Variants in RIN2 observed in about 807,000 individuals in gnomAD.
The protein encoded by RIN2 is Ras and Rab interactor 2.
In RIN2, 36 loss-of-function variants were observed where a neutral mutation model predicts 78.0. The observed-to-expected ratio is 0.46, with a 90% CI of 0.35 to 0.61. The LOEUF is 0.61. Among genes scored for constraint, RIN2 ranks in the 20% least tolerant of loss-of-function variants. The pLI is 0.00. For missense variants in RIN2, 1,087 were observed against 1,159.7 expected (o/e 0.94, Z 0.91); for synonymous variants, 466 against 466.8 (o/e 1.00, Z 0.02).
chr20:19,976,114 C>T (rs2042272329), intron 9 of RIN2, among the ~76,000 whole-genome samples: 1 of 152,198 alleles, frequency 6.6e-6, no homozygotes, highest in Admixed American at 6.5e-5. Flanking sequence ...TGCTTCTCTG[C>T]AGGCTGTGCA....
chr20:19,942,118 A>AAAAAAAAAG lies in RIN2; in HGVS notation c.158+6923_158+6924insAAAAGAAAA, dbSNP rs61328325. 9.8e-5 allele frequency among the ~76,000 whole-genome samples: 14 copies of AAAAAAAAAG among 142,982 alleles called. 2 individuals are homozygous for AAAAAAAAAG. The highest frequency in any genetic ancestry group is 2.8e-4 in the Admixed American group (4 of 14,538). 93.8% of individuals were successfully genotyped at this position (142,982 alleles called of 152,430 possible). A position where few individuals can be genotyped will look rare whatever the true frequency, so the allele number is the denominator to read the frequency against. On this transcript the variant is annotated intron_variant, in intron 4 of 12. Coordinates refer to ENST00000255006, the MANE Select transcript of RIN2 (RefSeq NM_018993.4). Reference sequence around the variant, plus strand: ...GAGTGAGACTCTATCTCAAAAAAAAAAAAAGAAAGAGAAAGTATTTATTCA... The same window carrying AAAAAAAAAG: ...GAGTGAGACTCTATCTCAAAAAAAAAAAAAAAAAGAAAAGAAAGAGAAAGTATTTATTCA...
chr20:19,783,076 C>A (rs1726274177), intron 1 of RIN2, among the ~76,000 whole-genome samples: 1 of 152,194 alleles, frequency 6.6e-6, no homozygotes, highest in African/African-American at 2.4e-5. Context: ...TCTTGAGTGC[C>A]CCACGTTGGT....
chr20:19,908,602 A>G (rs6132246), intron 3 of RIN2, among the ~76,000 whole-genome samples: 66,375 of 152,078 alleles, frequency 0.44, 14,630 homozygotes, highest in Non-Finnish European at 0.46. Context: ...CCCAGCATGC[A>G]GGTTAATGAA....
chr20:19,820,642 T>G (rs902265929), intron 2 of RIN2, among the ~76,000 whole-genome samples: 1 of 152,144 alleles, frequency 6.6e-6, no homozygotes, highest in Non-Finnish European at 1.5e-5. Context: ...TCCACCAGGT[T>G]CCAGGCCAGG....
intron 1 of RIN2, among the ~76,000 whole-genome samples, chr20:19,791,523 G>T (rs1012481031): frequency 1.3e-5 from 2 of 152,184 alleles, no homozygotes; most frequent in Non-Finnish European, 2.9e-5. Context: ...AGTGAGGAAA[G>T]CTTCATAAAA....
At chr20:19,870,735 T>C (rs1278364083) in intron 2 of RIN2, among the ~76,000 whole-genome samples, 1 of 152,242 alleles carries the variant, frequency 6.6e-6, no homozygotes, top group Non-Finnish European at 1.5e-5. Flanking sequence ...AGGCCAGTTC[T>C]ATGATGGGAT....
chr20:19,890,508 A>G (rs2038398182), intron 3 of RIN2, among the ~76,000 whole-genome samples: 1 of 152,160 alleles, frequency 6.6e-6, no homozygotes, highest in East Asian at 1.9e-4. Flanking sequence ...TTCCAACACC[A>G]GGTCTTGTCC....
chr20:19,780,494 T>C (rs1379164451), intron 1 of RIN2, among the ~76,000 whole-genome samples: 1 of 152,064 alleles, frequency 6.6e-6, no homozygotes, highest in East Asian at 1.9e-4. Flanking sequence ...GATCTGGATG[T>C]AATGAGCTTC....
At chr20:19,780,807 G>C (rs1239580979) in intron 1 of RIN2, among the ~76,000 whole-genome samples, 1 of 152,198 alleles carries the variant, frequency 6.6e-6, no homozygotes, top group East Asian at 1.9e-4. Context: ...TGCTTCAAAG[G>C]AGAAGATTAA....
At chr20:19,927,256 T>C (rs772430125) in intron 3 of RIN2, among the ~76,000 whole-genome samples, 35 of 152,226 alleles carry the variant, frequency 2.3e-4, no homozygotes, top group Non-Finnish European at 1.2e-4. Context: ...TTGTTACTTA[T>C]TTATTTTAAG....
Position 20,000,760 on chromosome 20 carries a change from C to T in RIN2, c.2512C>T (p.Leu838Phe). 6.2e-7 allele frequency: 1 copy of T among 1,613,978 alleles called. No individual in the cohort carries two copies. Among genetic ancestry groups the T allele is most frequent in the South Asian group, 1.1e-5 (1 of 91,080 alleles). The change falls in exon 13 of 13, where the codon CTC (leucine) becomes TTC (phenylalanine). Residue 838 changes from leucine (L) to phenylalanine (F), a missense_variant. Transcript: ENST00000255006. ...GGACCCTGAGGAGTACAGCCTCTTTCTCTTCGTTGACGAGACATGGCAGCA... is the reference window on the plus strand; with the variant it reads ...GGACCCTGAGGAGTACAGCCTCTTTTTCTTCGTTGACGAGACATGGCAGCA... ...VGDPEEYSLF[L>F]FVDETWQQLA...
chr20:19,847,264 T>TC, intron 2 of RIN2, among the ~76,000 whole-genome samples: 1 of 152,314 alleles, frequency 6.6e-6, no homozygotes, highest in South Asian at 2.1e-4. Flanking sequence ...TTAGTGAAAG[T>TC]CCAAAGGGTT....
chr20:19,776,128 C>G (rs1248099459), intron 1 of RIN2, among the ~76,000 whole-genome samples: 2 of 152,170 alleles, frequency 1.3e-5, no homozygotes, highest in African/African-American at 4.8e-5. Context: ...CTCCCCTTGG[C>G]CAAAGGCATT....
chr20:19,838,397 C>A (rs1474326255), intron 2 of RIN2, among the ~76,000 whole-genome samples: 1 of 152,164 alleles, frequency 6.6e-6, no homozygotes, highest in Non-Finnish European at 1.5e-5. Context: ...AAGGTTCATA[C>A]ATATTCAAGG....
chr20:19,980,534 T>C (rs1248562471), intron 9 of RIN2, among the ~76,000 whole-genome samples: 2 of 152,168 alleles, frequency 1.3e-5, no homozygotes, highest in Non-Finnish European at 2.9e-5. Context: ...CACGAAGATG[T>C]CTGCTCCAGA....
chr20:19,789,004 A>G (rs1568753273), intron 1 of RIN2, among the ~76,000 whole-genome samples: 1 of 152,244 alleles, frequency 6.6e-6, no homozygotes, highest in Non-Finnish European at 1.5e-5. Flanking sequence ...TACATTACCA[A>G]TTATTAAGAC....
chr20:19,862,969 T>A (rs1488196085), intron 2 of RIN2, among the ~76,000 whole-genome samples: 1 of 152,242 alleles, frequency 6.6e-6, no homozygotes, highest in African/African-American at 2.4e-5. Context: ...ACCATGTTCC[T>A]CCCTCTTGGC....
At chr20:19,817,406 A>G (rs931944007) in intron 2 of RIN2, among the ~76,000 whole-genome samples, 1 of 152,138 alleles carries the variant, frequency 6.6e-6, no homozygotes, top group Non-Finnish European at 1.5e-5. Flanking sequence ...TTATAAGGGC[A>G]GTAATCCCAT....
At chr20:19,947,607 G>A (rs2041146619) in intron 4 of RIN2, among the ~76,000 whole-genome samples, 2 of 152,162 alleles carry the variant, frequency 1.3e-5, no homozygotes, top group East Asian at 1.9e-4. Context: ...TCTTCATTCT[G>A]TAACCACTTA....
Sources: allele counts gnomAD v4.1 joint callset (sites outside exome capture counted in the v4.1 genomes callset), GRCh38; gene constraint gnomAD v4.1.1; transcripts MANE v1.5; gene names NCBI Gene and HGNC (gene_info 2026-07-23, HGNC 2026-07-21).